LDLRAD3: variants seen among roughly 807,000 people sequenced by gnomAD.
The protein encoded by LDLRAD3 is low density lipoprotein receptor class A domain containing 3, also known as low-density lipoprotein receptor class A domain-containing protein 3.
A neutral mutation model predicts 29.4 loss-of-function variants in LDLRAD3; 20 were observed. The observed-to-expected ratio is 0.68, with a 90% CI of 0.48 to 0.99. The LOEUF (loss-of-function observed/expected upper bound fraction) is 0.99. Ranked by LOEUF, LDLRAD3 falls within the 50% of genes least tolerant of loss-of-function variation. The pLI is 0.00. For missense variants in LDLRAD3, 420 were observed against 454.3 expected (o/e 0.92, Z 0.69); for synonymous variants, 157 against 192.7 (o/e 0.81, Z 1.53).
At chr11:36,054,711 G>GTGGGTGGATGGATGGA (rs1554960935) in intron 2 of LDLRAD3, among the ~76,000 whole-genome samples, 1 of 146,222 alleles carries the variant, frequency 6.8e-6, no homozygotes, top group African/African-American at 2.5e-5. Flanking sequence ...GGATGGGTGG[G>GTGGGTGGATGGATGGA]TGGATGGATG....
At chr11:36,173,450 C>T (rs1425109628) in intron 4 of LDLRAD3, among the ~76,000 whole-genome samples, 2 of 150,036 alleles carry the variant, frequency 1.3e-5, no homozygotes, top group African/African-American at 4.9e-5. Flanking sequence ...GGTTTTTTGT[C>T]CCTGCGATAG....
At chr11:36,048,484 G>C (rs1369267208) in intron 2 of LDLRAD3, among the ~76,000 whole-genome samples, 1 of 151,556 alleles carries the variant, frequency 6.6e-6, no homozygotes, top group African/African-American at 2.4e-5. Context: ...GACTCTGGTT[G>C]GGAAGAAGTT....
chr11:36,017,293 T>C (rs1297170549), intron 1 of LDLRAD3, among the ~76,000 whole-genome samples: 1 of 152,226 alleles, frequency 6.6e-6, no homozygotes, highest in Non-Finnish European at 1.5e-5. Flanking sequence ...GGGGCATTTT[T>C]CTGCCAAAGC....
At chr11:35,997,384 A>C (rs1266360583) in intron 1 of LDLRAD3, 1 of 451,158 alleles carries the variant, frequency 2.2e-6, no homozygotes, top group Non-Finnish European at 4.3e-6. Flanking sequence ...CATTGTGTTT[A>C]ATGTTTTTCT....
At chr11:35,950,713 A>T (rs1193864972) in intron 1 of LDLRAD3, among the ~76,000 whole-genome samples, 1 of 151,808 alleles carries the variant, frequency 6.6e-6, no homozygotes, top group Non-Finnish European at 1.5e-5. Flanking sequence ...TTGAAGGTTT[A>T]CTCTGTCTGG....
intron 4 of LDLRAD3, among the ~76,000 whole-genome samples, chr11:36,226,100 A>C (rs1396404150): frequency 1.3e-5 from 2 of 152,118 alleles, no homozygotes; most frequent in Non-Finnish European, 2.9e-5. Flanking sequence ...TAAATAATGA[A>C]TCATGTACTT....
At chr11:36,043,328 A>C (rs900229931) in intron 2 of LDLRAD3, among the ~76,000 whole-genome samples, 4 of 152,164 alleles carry the variant, frequency 2.6e-5, no homozygotes, top group African/African-American at 9.7e-5. Flanking sequence ...AACCCCAAAA[A>C]TTATTATATA....
intron 1 of LDLRAD3, among the ~76,000 whole-genome samples, chr11:35,997,001 G>A (rs1448231508): frequency 6.6e-6 from 1 of 152,128 alleles, no homozygotes; most frequent in African/African-American, 2.4e-5. Context: ...AGTTTCTCAT[G>A]TCAAACAAGG....
intron 2 of LDLRAD3, among the ~76,000 whole-genome samples, chr11:36,058,249 T>A (rs1852650321): frequency 6.6e-6 from 1 of 152,188 alleles, no homozygotes; most frequent in Non-Finnish European, 1.5e-5. Context: ...CATTTCCCTC[T>A]GTGCCTCTGT....
chr11:36,090,634 A>C (rs115881395), intron 3 of LDLRAD3, among the ~76,000 whole-genome samples: 6,625 of 152,288 alleles, frequency 0.044, 376 homozygotes, highest in African/African-American at 0.13. Flanking sequence ...GAGTTCTGCC[A>C]GTGGCCCCTT....
intron 4 of LDLRAD3, among the ~76,000 whole-genome samples, chr11:36,120,141 C>T (rs1853732820): frequency 6.6e-6 from 1 of 152,162 alleles, no homozygotes; most frequent in Admixed American, 6.5e-5. Flanking sequence ...AAATACACTG[C>T]ATAGACTCCC....
intron 1 of LDLRAD3, chr11:35,972,528 C>T (rs968639370): frequency 3.9e-5 from 6 of 152,064 alleles, no homozygotes; most frequent in African/African-American, 1.4e-4. Context: ...ACCCATTCTC[C>T]AGCCCAGAGG....
Position 36,229,456 on chromosome 11 carries a change from C to A in LDLRAD3, c.*59C>A. The A allele has an allele frequency of 7.9e-7, 1 of 1,267,958 alleles. No homozygotes were observed. The highest frequency in any genetic ancestry group is 1.1e-6 in the Non-Finnish European group (1 of 886,768). The allele number at this position is 1,267,958 out of a possible 1,614,324, so 78.5% of individuals were successfully genotyped here. On this transcript the variant is annotated 3_prime_UTR_variant, in exon 6 of 6. Transcript: ENST00000315571. ...CTGCTCTGACTTGTTGCCATTCTAA[C>A]AATTTGTGCTCATGGGAAGCTCTTT...
chr11:36,194,073 A>G (rs1344073250), intron 4 of LDLRAD3, among the ~76,000 whole-genome samples: 3 of 152,132 alleles, frequency 2.0e-5, no homozygotes, highest in Non-Finnish European at 2.9e-5. Flanking sequence ...CTTACATATT[A>G]CAGTTCCCTT....
rs912876746 is a variant in LDLRAD3 at position 36,230,135 on chromosome 11, T to C, written c.*738T>C. ...TAAAATAGGCAGGGAGCCCCTCCCA[T>C]GAGTTTATCCAAGTTCTCAGCTCCT... On this transcript the variant is annotated 3_prime_UTR_variant, in exon 6 of 6. Coordinates refer to ENST00000315571, the MANE Select transcript of LDLRAD3 (RefSeq NM_174902.4). 3 of 152,236 alleles carry C rather than the reference T, an allele frequency of 2.0e-5. No individual in the cohort carries two copies. Among genetic ancestry groups the C allele is most frequent in the Admixed American group, 2.0e-4 (3 of 15,284 alleles). 9.4% of individuals were successfully genotyped at this position (152,236 alleles called of 1,614,324 possible). A position where few individuals can be genotyped will look rare whatever the true frequency, so the allele number is the denominator to read the frequency against.
chr11:36,144,564 G>GTC (rs1171903431), intron 4 of LDLRAD3, among the ~76,000 whole-genome samples: 1 of 149,184 alleles, frequency 6.7e-6, no homozygotes, highest in Admixed American at 6.6e-5. Context: ...TGTGAGGAGC[G>GTC]TCTCTGCCCG....
chr11:36,070,639 G>A (rs147665019), intron 2 of LDLRAD3, among the ~76,000 whole-genome samples: 2 of 152,254 alleles, frequency 1.3e-5, no homozygotes, highest in African/African-American at 2.4e-5. Flanking sequence ...TGGTAGAATC[G>A]GTCAGAGCAG....
intron 4 of LDLRAD3, among the ~76,000 whole-genome samples, chr11:36,208,044 TAAG>T (rs1000431618): frequency 6.6e-6 from 1 of 152,114 alleles, no homozygotes; most frequent in African/African-American, 2.4e-5. Flanking sequence ...GTGCAGCTAT[TAAG>T]AAGAGTTAGA....
intron 2 of LDLRAD3, among the ~76,000 whole-genome samples, chr11:36,062,610 C>T (rs904421618): frequency 6.6e-6 from 1 of 152,148 alleles, no homozygotes. Context: ...ATGGGAGGGA[C>T]CTGGTGGGAA....
Sources: gnomAD v4.1 joint callset for allele counts (sites outside exome capture counted in the v4.1 genomes callset) on GRCh38, gnomAD v4.1.1 for gene constraint, MANE v1.5 for transcripts, NCBI Gene and HGNC (gene_info 2026-07-23, HGNC 2026-07-21) for gene names.